CTCF: variants seen among roughly 807,000 people sequenced by gnomAD.
CTCF encodes CCCTC-binding factor.
CTCF carries 7 observed loss-of-function variants against 72.3 expected under a neutral mutation model. The ratio of observed to expected loss-of-function variants is 0.10; its 90% confidence interval spans 0.06 to 0.18. The LOEUF is 0.18. Ranked by LOEUF, CTCF falls within the 10% of genes least tolerant of loss-of-function variation. CTCF has a pLI of 1.00. For missense variants in CTCF, 516 were observed against 949.1 expected, an observed-to-expected ratio of 0.54 and a Z score of 6.00; for synonymous variants, 374 against 315.8, an observed-to-expected ratio of 1.18 and a Z score of -1.95.
chr16:67,601,254 GTT>G (rs776311052), intron 2 of CTCF, among the ~76,000 whole-genome samples: 12 of 105,820 alleles, frequency 1.1e-4, no homozygotes, highest in South Asian at 3.5e-4. Context: ...GTGTGTGTGT[GTT>G]TTGTTTTGTT....
At chr16:67,600,620 C>G (rs1403001504) in intron 2 of CTCF, among the ~76,000 whole-genome samples, 2 of 152,154 alleles carry the variant, frequency 1.3e-5, no homozygotes, top group Admixed American at 6.5e-5. Context: ...CTCAAGTGAT[C>G]TACTTCAGCC....
At chr16:67,603,452 G>C (rs1273259005) in intron 2 of CTCF, among the ~76,000 whole-genome samples, 1 of 151,296 alleles carries the variant, frequency 6.6e-6, no homozygotes, top group African/African-American at 2.4e-5. Context: ...AGAATGGCAT[G>C]AACCCGGGAG....
intron 2 of CTCF, among the ~76,000 whole-genome samples, chr16:67,572,109 A>G (rs1191657291): frequency 6.6e-6 from 1 of 152,252 alleles, no homozygotes; most frequent in Non-Finnish European, 1.5e-5. Flanking sequence ...TGAATGAATC[A>G]TCTAAATGAC....
In CTCF at chr16:67,598,139, C is replaced by G. The variant is rs2051839143; in HGVS notation, c.-9-12685C>G. Among the ~76,000 whole-genome samples, 5 of 152,114 alleles carry G rather than the reference C, an allele frequency of 3.3e-5. 1 individual carries two copies. The highest frequency in any genetic ancestry group is 5.9e-5 in the Non-Finnish European group (4 of 68,002). On this transcript the variant is annotated intron_variant, in intron 2 of 11. Coordinates refer to ENST00000264010, the MANE Select transcript of CTCF (RefSeq NM_006565.4). The stretch of plus-strand genomic sequence containing the variant: ...TACAGGCATACACCATCACACCTGA[C>G]TAATTTTTTAAAGTTTTTGTAGAGA...
intron 2 of CTCF, among the ~76,000 whole-genome samples, chr16:67,595,760 CAG>C (rs1198502106): frequency 2.6e-5 from 4 of 152,090 alleles, no homozygotes; most frequent in African/African-American, 9.7e-5. Context: ...TGACTCTTAA[CAG>C]TGATTCCATT....
At chr16:67,576,999 C>T (rs758419054) in intron 2 of CTCF, among the ~76,000 whole-genome samples, 36 of 152,002 alleles carry the variant, frequency 2.4e-4, no homozygotes, top group Non-Finnish European at 4.1e-4. Context: ...GGATATAAGC[C>T]AGAATGTGTG....
At chr16:67,567,610 G>GT (rs2051360071) in intron 1 of CTCF, among the ~76,000 whole-genome samples, 1 of 151,936 alleles carries the variant, frequency 6.6e-6, no homozygotes, top group Admixed American at 6.6e-5. Context: ...GATTGAGGCA[G>GT]TGGCATGATC....
At chr16:67,562,811 G>C (rs899652004) in intron 1 of CTCF, 87 bp downstream of exon 1, 1 of 148,692 alleles carries the variant, frequency 6.7e-6, no homozygotes, top group African/African-American at 2.5e-5. Flanking sequence ...GCTGCAGCCC[G>C]GCGCCAGCGC....
Position 67,638,001 on chromosome 16 carries a change from A to C in CTCF, c.*129A>C. The C allele has an allele frequency of 1.2e-6, 1 of 818,002 alleles. No individual in the cohort carries two copies. Among genetic ancestry groups the C allele is most frequent in the South Asian group, 2.1e-5 (1 of 48,568 alleles). 50.7% of individuals were successfully genotyped at this position (818,002 alleles called of 1,614,324 possible). Reference sequence around the variant, plus strand: ...CATTTTACCAAACATACCGAGAACGAAAACTTCAAGGATGATGTTAGAAAA... The same window carrying C: ...CATTTTACCAAACATACCGAGAACGCAAACTTCAAGGATGATGTTAGAAAA... On this transcript the variant is annotated 3_prime_UTR_variant, in exon 12 of 12. Coordinates refer to ENST00000264010, the MANE Select transcript of CTCF (RefSeq NM_006565.4).
At position 67,638,087 on chromosome 16, in the gene CTCF, C is replaced by T. The variant is rs953686181; in HGVS notation, c.*215C>T. ...AGCAAATCATGGAATGTTCTGAGTC[C>T]CTGAGGGTTTACTGTGAAGTGCTGA... On this transcript the variant is annotated 3_prime_UTR_variant, in exon 12 of 12. Transcript: ENST00000264010. 1.7e-5 allele frequency: 9 copies of T among 538,090 alleles called. No homozygotes were observed. The highest frequency in any genetic ancestry group is 8.7e-5 in the East Asian group (3 of 34,630). 33.3% of individuals were successfully genotyped at this position (538,090 alleles called of 1,614,324 possible).
chr16:67,585,933 G>A (rs1272810694), intron 2 of CTCF, among the ~76,000 whole-genome samples: 1 of 151,840 alleles, frequency 6.6e-6, no homozygotes, highest in Admixed American at 6.6e-5. Context: ...TGTCTTTATT[G>A]TGTCTTTTGG....
chr16:67,597,531 G>T (rs947733935), intron 2 of CTCF, among the ~76,000 whole-genome samples: 1 of 152,158 alleles, frequency 6.6e-6, no homozygotes, highest in South Asian at 2.1e-4. Flanking sequence ...TGGAGACGGG[G>T]TTTCACCATG....
intron 9 of CTCF, among the ~76,000 whole-genome samples, chr16:67,628,802 T>C (rs561215006): frequency 6.5e-4 from 99 of 152,340 alleles, no homozygotes; most frequent in Non-Finnish European, 9.8e-4. Context: ...GGCTCGCGCC[T>C]GTAATCCCAG....
intron 2 of CTCF, among the ~76,000 whole-genome samples, chr16:67,578,746 G>A (rs1347448243): frequency 2.2e-4 from 31 of 143,504 alleles, no homozygotes; most frequent in Middle Eastern, 8.3e-3. Flanking sequence ...TCAGGAATTC[G>A]AGACCAGCCT....
At chr16:67,563,213 C>G (rs1240755079) in intron 1 of CTCF, 7 of 152,300 alleles carry the variant, frequency 4.6e-5, no homozygotes, top group Non-Finnish European at 1.5e-5. Context: ...TAAGCCAGGT[C>G]CCGGTGCCGT....
chr16:67,579,503 C>T lies in CTCF; in HGVS notation c.-10+8239C>T, dbSNP rs572151759. Among the ~76,000 whole-genome samples the T allele has an allele frequency of 1.6e-3, 244 of 151,948 alleles. 1 individual carries two copies. The highest frequency in any genetic ancestry group is 5.6e-3 in the African/African-American group (233 of 41,480). ...CCTCCCGAGTAGCTGGGATTATGGG[C>T]ACATGCCACCATGCCCGGCTAATTT... is the stretch of plus-strand genomic sequence containing the variant. On this transcript the variant is annotated intron_variant, in intron 2 of 11. Coordinates refer to ENST00000264010, the MANE Select transcript of CTCF (RefSeq NM_006565.4).
At chr16:67,602,777 G>A (rs1192516513) in intron 2 of CTCF, among the ~76,000 whole-genome samples, 1 of 149,026 alleles carries the variant, frequency 6.7e-6, no homozygotes, top group East Asian at 2.0e-4. Context: ...GGAGTCGGAG[G>A]TTGTGTTCAG....
intron 2 of CTCF, among the ~76,000 whole-genome samples, chr16:67,595,005 T>G (rs1407986748): frequency 1.3e-5 from 2 of 151,924 alleles, no homozygotes; most frequent in African/African-American, 4.8e-5. Flanking sequence ...TAGTCAAAGG[T>G]GAGGTTGGGT....
At chr16:67,622,982 A>G (rs1401104464) in intron 7 of CTCF, among the ~76,000 whole-genome samples, 1 of 148,710 alleles carries the variant, frequency 6.7e-6, no homozygotes, top group African/African-American at 2.5e-5. Flanking sequence ...TTTTTTTGTG[A>G]CAAAGTTTTG....
Sources: gnomAD v4.1 joint callset for allele counts (sites outside exome capture counted in the v4.1 genomes callset) on GRCh38, gnomAD v4.1.1 for gene constraint, MANE v1.5 for transcripts, NCBI Gene and HGNC (gene_info 2026-07-23, HGNC 2026-07-21) for gene names.